Variants in DNAJC7 observed in about 807,000 individuals in gnomAD.
DNAJC7 encodes the protein dnaJ homolog subfamily C member 7.
A neutral mutation model predicts 67.4 loss-of-function variants in DNAJC7; 18 were observed. The ratio of observed to expected loss-of-function variants is 0.27; its 90% confidence interval spans 0.18 to 0.40. The LOEUF (loss-of-function observed/expected upper bound fraction) is 0.40, where lower values mean the gene tolerates loss of function less well. DNAJC7 is among the 10% of genes least tolerant of loss of function. The probability of loss-of-function intolerance (pLI) is 1.00; values close to 1 mark genes in which losing one functional copy is unlikely to be tolerated. For missense variants in DNAJC7, 419 were observed against 613.8 expected, an observed-to-expected ratio of 0.68 and a Z score of 3.35; for synonymous variants, 220 against 207.8, an observed-to-expected ratio of 1.06 and a Z score of -0.50.
intron 2 of DNAJC7, among the ~76,000 whole-genome samples, chr17:42,000,052 A>G (rs1197841412): frequency 1.4e-5 from 2 of 140,796 alleles, no homozygotes; most frequent in Non-Finnish European, 3.1e-5. Context: ...CCCCTGATCT[A>G]AAGTGATCCG....
At chr17:42,011,003 T>A (rs1470673848) in intron 1 of DNAJC7, 5 of 152,238 alleles carry the variant, frequency 3.3e-5, no homozygotes, top group Non-Finnish European at 7.3e-5. Flanking sequence ...CCTGTTAGGA[T>A]AACTGCACTT....
intron 1 of DNAJC7, among the ~76,000 whole-genome samples, chr17:42,009,083 TAGA>T (rs2052050818): frequency 6.6e-6 from 1 of 152,180 alleles, no homozygotes; most frequent in African/African-American, 2.4e-5. Context: ...CAGAAAAAAA[TAGA>T]AGGTGAGCGC....
intron 12 of DNAJC7, among the ~76,000 whole-genome samples, chr17:41,979,401 G>A (rs2051182614): frequency 6.6e-6 from 1 of 151,968 alleles, no homozygotes; most frequent in South Asian, 2.1e-4. Context: ...GCCAGGCACA[G>A]TGGCTCACGC....
chr17:42,003,637 A>G (rs2051865704), intron 1 of DNAJC7: 1 of 152,210 alleles, frequency 6.6e-6, no homozygotes, highest in South Asian at 2.1e-4. Flanking sequence ...ACTCACTGCC[A>G]GGGTCAATTC....
chr17:41,982,564 C>T (rs1481490065), intron 10 of DNAJC7, among the ~76,000 whole-genome samples, 163 bp from the exon 11 acceptor site: 3 of 152,098 alleles, frequency 2.0e-5, no homozygotes, highest in East Asian at 3.9e-4. Flanking sequence ...CGGCCAGGCA[C>T]GGTGACTCAT....
chr17:41,988,967 ACT>A lies in DNAJC7; in HGVS notation c.754-73_754-72del, dbSNP rs1257658326. On this transcript the variant is annotated intron_variant, in intron 7 of 13. Coordinates refer to ENST00000457167, the MANE Select transcript of DNAJC7 (RefSeq NM_003315.4). ...TCAGACCATTGCACAGAGAGGCCAGACTCTATTTTCAAGTTCTTTGCTTCCAG... is the reference window on the plus strand; with the variant it reads ...TCAGACCATTGCACAGAGAGGCCAGACTATTTTCAAGTTCTTTGCTTCCAG... The A allele has an allele frequency of 4.2e-4, 646 of 1,549,214 alleles. 3 individuals carry two copies. Among genetic ancestry groups the A allele is most frequent in the Admixed American group, 1.3e-3 (61 of 47,700 alleles).
chr17:41,980,484 C>T (rs1379200271), intron 12 of DNAJC7, among the ~76,000 whole-genome samples: 1 of 152,196 alleles, frequency 6.6e-6, no homozygotes, highest in East Asian at 1.9e-4. Flanking sequence ...CTCCTGGGCT[C>T]AAGAGTTTTT....
At chr17:42,000,674 G>C in intron 1 of DNAJC7, 104 bp from the exon 2 acceptor site, 1 of 761,930 alleles carries the variant, frequency 1.3e-6, no homozygotes, top group Admixed American at 2.8e-5. Flanking sequence ...ACACTGAGCT[G>C]AAAGTTAGTG....
At chr17:41,982,708 A>T (rs1314473219) in intron 10 of DNAJC7, among the ~76,000 whole-genome samples, 1 of 152,170 alleles carries the variant, frequency 6.6e-6, no homozygotes, top group African/African-American at 2.4e-5. Context: ...TTGGCCCAAG[A>T]TGGGAGGAAT....
chr17:41,999,865 T>C (rs539913201), intron 2 of DNAJC7, among the ~76,000 whole-genome samples: 76 of 145,046 alleles, frequency 5.2e-4, no homozygotes, highest in Non-Finnish European at 9.2e-4. Flanking sequence ...GTTGCCCAGG[T>C]TGGAGTGCAG....
intron 5 of DNAJC7, among the ~76,000 whole-genome samples, chr17:41,992,164 CTGTTTTTTTGTTTTT>C (rs2051524981): frequency 1.3e-5 from 2 of 152,066 alleles, no homozygotes; most frequent in Admixed American, 6.6e-5. Flanking sequence ...TGAAAGTTTT[CTGTTTTTTTGTTTTT>C]TGTTTTTTTT....
intron 12 of DNAJC7, among the ~76,000 whole-genome samples, chr17:41,979,217 T>C (rs1300332067): frequency 6.6e-6 from 1 of 151,740 alleles, no homozygotes; most frequent in Non-Finnish European, 1.5e-5. Context: ...CAGGTGCCTG[T>C]AATCCCAGCT....
chr17:41,988,403 T>TA (rs1156540079), intron 8 of DNAJC7, among the ~76,000 whole-genome samples: 1 of 152,130 alleles, frequency 6.6e-6, no homozygotes, highest in Non-Finnish European at 1.5e-5. Context: ...AAATCACTCC[T>TA]AAAAAATAAA....
rs1364565079 is a variant in DNAJC7 at position 41,983,455 on chromosome 17, A to G, written c.1084+108T>C. On this transcript the variant is annotated intron_variant, in intron 10 of 13. Transcript: ENST00000457167. ...TCACTTCTTTCTGGCTGGTGATCAA[A>G]TAAGTTCTAGGTAGATCCCTGATCC... 4.0e-6 allele frequency: 4 copies of G among 1,001,160 alleles called. No homozygotes were observed. The East Asian group carries it at 8.3e-5, about 21-fold the overall frequency. The allele number at this position is 1,001,160 out of a possible 1,614,324, so 62.0% of individuals were successfully genotyped here.
chr17:41,989,681 G>A, intron 6 of DNAJC7, 124 bp from the exon 7 acceptor site: 1 of 1,281,042 alleles, frequency 7.8e-7, no homozygotes, highest in Non-Finnish European at 1.1e-6. Context: ...AAGGTAGACA[G>A]ATTCCCAAGA....
Position 42,005,706 on chromosome 17 carries a change from T to C in DNAJC7, c.78-5136A>G, listed in dbSNP as rs782651822. Among the ~76,000 whole-genome samples the C allele has an allele frequency of 5.9e-5, 9 of 152,180 alleles. 1 individual carries two copies. In the South Asian group the frequency reaches 6.2e-4, roughly 11 times the overall value. On this transcript the variant is annotated intron_variant, in intron 1 of 13. Coordinates refer to ENST00000457167, the MANE Select transcript of DNAJC7 (RefSeq NM_003315.4). ...CTAGGAAATGTGGATCCAAATTTTA[T>C]ATGACAAAAAGCACACCGCACTGTG...
intron 12 of DNAJC7, chr17:41,977,553 C>T (rs1555645186): frequency 2.5e-6 from 1 of 400,894 alleles, no homozygotes; most frequent in Non-Finnish European, 4.5e-6. Context: ...CAACTGCTGC[C>T]CCAAAGGAAG....
In DNAJC7 at chr17:41,977,179, T is replaced by C; in HGVS notation, c.1447+82A>G. 3 of 1,404,180 alleles carry C rather than the reference T, an allele frequency of 2.1e-6. No homozygotes were observed. In the Admixed American group the frequency reaches 6.2e-5, roughly 29 times the overall value. The allele number at this position is 1,404,180 out of a possible 1,614,324, so 87.0% of individuals were successfully genotyped here. A position where few individuals can be genotyped will look rare whatever the true frequency, so the allele number is the denominator to read the frequency against. On this transcript the variant is annotated intron_variant, in intron 13 of 13. Transcript: ENST00000457167. The stretch of plus-strand genomic sequence containing the variant: ...AGCTGCCCCCGCTCATGGGCCCCTC[T>C]GACTCCCAAAGAGCTGCCTAAGAGG...
At chr17:41,988,336 G>A (rs1555647179) in intron 8 of DNAJC7, among the ~76,000 whole-genome samples, 1 of 152,176 alleles carries the variant, frequency 6.6e-6, no homozygotes, top group Non-Finnish European at 1.5e-5. Context: ...TTTCAACCAT[G>A]CATGGTGACC....
Sources: allele counts gnomAD v4.1 joint callset (sites outside exome capture counted in the v4.1 genomes callset), GRCh38; gene constraint gnomAD v4.1.1; transcripts MANE v1.5; gene names NCBI Gene and HGNC (gene_info 2026-07-23, HGNC 2026-07-21).